CNOT8: variants seen among roughly 807,000 people sequenced by gnomAD.
CNOT8 encodes the protein CAF1-like protein.
In CNOT8, 18 loss-of-function variants were observed where a neutral mutation model predicts 34.6. That is an observed-to-expected ratio of 0.52 (90% confidence interval 0.36 to 0.77). The LOEUF is 0.77. CNOT8 is among the 30% of genes least tolerant of loss of function. The pLI, the probability that CNOT8 is intolerant of heterozygous loss-of-function variation, is 0.00. For missense variants in CNOT8, 189 were observed against 347.9 expected, an observed-to-expected ratio of 0.54 and a Z score of 3.63; for synonymous variants, 101 against 118.8, an observed-to-expected ratio of 0.85 and a Z score of 0.98.
intron 1 of CNOT8, among the ~76,000 whole-genome samples, chr5:154,862,115 T>G (rs1035158960): frequency 7.9e-5 from 12 of 152,234 alleles, no homozygotes; most frequent in African/African-American, 2.9e-4. Context: ...TCCCTGATTT[T>G]TCTCCTGGAA....
intron 3 of CNOT8, among the ~76,000 whole-genome samples, chr5:154,865,759 C>T (rs1266283088): frequency 6.6e-6 from 1 of 152,202 alleles, no homozygotes. Context: ...AACCCTCATA[C>T]ATTGCTGCTG....
intron 3 of CNOT8, chr5:154,867,741 A>G: frequency 3.6e-6 from 1 of 278,064 alleles, no homozygotes; most frequent in South Asian, 2.8e-5. Context: ...TTGAGCTAAA[A>G]GACATAGGAG....
At chr5:154,870,477 C>A in intron 3 of CNOT8, 184 bp from the exon 4 acceptor site, 1 of 424,394 alleles carries the variant, frequency 2.4e-6, no homozygotes. Context: ...ATTTTTCTAT[C>A]TGTCACAGAA....
At position 154,872,694 on chromosome 5, in the gene CNOT8, T is replaced by C. The variant is rs920668597; in HGVS notation, c.729+43T>C. Reference sequence around the variant, plus strand: ...TGATCACAGGCCTCTCGGCAGTAACTTGCTGAAGGCTAAGGAGGTAGTGGA... The same window carrying C: ...TGATCACAGGCCTCTCGGCAGTAACCTGCTGAAGGCTAAGGAGGTAGTGGA... On this transcript the variant is annotated intron_variant, in intron 6 of 6. Transcript: ENST00000285896. 4.8e-6 allele frequency: 6 copies of C among 1,258,464 alleles called. No homozygotes were observed. The Admixed American group carries it at 9.2e-5, about 19-fold the overall frequency. 78.0% of individuals were successfully genotyped at this position (1,258,464 alleles called of 1,614,324 possible). A position where few individuals can be genotyped will look rare whatever the true frequency, so the allele number is the denominator to read the frequency against.
Position 154,872,602 on chromosome 5 carries a change from C to T in CNOT8, c.680C>T (p.Ala227Val). 6.2e-7 allele frequency: 1 copy of T among 1,613,740 alleles called. No individual in the cohort carries two copies. The highest frequency in any genetic ancestry group is 2.2e-5 in the East Asian group (1 of 44,856). The change falls in exon 6 of 7, where the codon GCA (alanine) becomes GTA (valine). Residue 227 changes from alanine to valine, a missense_variant. Transcript: ENST00000285896. ...DLQRIGRQHQ[A>V]GSDSLLTGMA... ...CAGAGGATTGGAAGGCAGCACCAGG[C>T]AGGCTCAGACTCACTGCTGACAGGA...
intron 2 of CNOT8, among the ~76,000 whole-genome samples, chr5:154,864,183 G>A (rs756228941): frequency 6.6e-5 from 10 of 152,262 alleles, no homozygotes; most frequent in Admixed American, 3.9e-4. Context: ...AGAGTTGGCC[G>A]GGCGCGGTGG....
At position 154,863,236 on chromosome 5, in the gene CNOT8, G is replaced by A. The variant is rs756549447; in HGVS notation, c.-43G>A. On this transcript the variant is annotated 5_prime_UTR_variant, in exon 2 of 7. Coordinates refer to ENST00000285896, the MANE Select transcript of CNOT8 (RefSeq NM_001301073.2). ...GACCAAACATTGTCTGGCTTGCACTGTAAAACTAGTTAGCTGAAGACGACT... is the reference window on the plus strand; with the variant it reads ...GACCAAACATTGTCTGGCTTGCACTATAAAACTAGTTAGCTGAAGACGACT... The A allele has an allele frequency of 2.1e-6, 3 of 1,418,034 alleles. No individual in the cohort carries two copies. The highest frequency in any genetic ancestry group is 3.0e-6 in the Non-Finnish European group (3 of 1,001,106). The allele number at this position is 1,418,034 out of a possible 1,614,324, so 87.8% of individuals were successfully genotyped here. A position where few individuals can be genotyped will look rare whatever the true frequency, so the allele number is the denominator to read the frequency against.
chr5:154,865,608 A>T (rs543421567), intron 3 of CNOT8, among the ~76,000 whole-genome samples: 16 of 152,334 alleles, frequency 1.1e-4, no homozygotes, highest in African/African-American at 3.4e-4. Flanking sequence ...ATGGCCAGTA[A>T]GCACATGAAA....
chr5:154,861,735 G>A (rs934739613), intron 1 of CNOT8, among the ~76,000 whole-genome samples: 3 of 152,206 alleles, frequency 2.0e-5, no homozygotes, highest in African/African-American at 7.2e-5. Context: ...GTCTCGCTCT[G>A]TCGCCCAGGC....
intron 3 of CNOT8, 33 bp from the exon 4 acceptor site, chr5:154,870,628 C>T (rs748184742): frequency 1.1e-5 from 17 of 1,562,618 alleles, no homozygotes; most frequent in African/African-American, 1.4e-5. Context: ...TTTCATTATT[C>T]ACCAGTTAAT....
At position 154,865,284 on chromosome 5, in the gene CNOT8, C is replaced by T; in HGVS notation, c.210C>T (p.Asp70=). ...YQYQLLRCNV[D]LLKIIQLGLT... Reference sequence around the variant, plus strand: ...ATCAGCTTCTGCGGTGCAATGTTGACCTTTTAAAAATTATCCAGCTGGGCC... The same window carrying T: ...ATCAGCTTCTGCGGTGCAATGTTGATCTTTTAAAAATTATCCAGCTGGGCC... Residue 70 remains aspartate, a synonymous_variant, in exon 3 of 7, where the codon GAC becomes GAT. Transcript: ENST00000285896. The T allele has an allele frequency of 6.2e-7, 1 of 1,613,340 alleles. No individual in the cohort carries two copies. The highest frequency in any genetic ancestry group is 1.1e-5 in the South Asian group (1 of 90,908).
At chr5:154,860,980 T>TA (rs1272084896) in intron 1 of CNOT8, among the ~76,000 whole-genome samples, 2 of 152,206 alleles carry the variant, frequency 1.3e-5, no homozygotes, top group East Asian at 1.9e-4. Flanking sequence ...TCAGGAGTGA[T>TA]ACACCCACTT....
chr5:154,870,937 A>G (rs1762430188), intron 4 of CNOT8, 115 bp downstream of exon 4: 3 of 886,250 alleles, frequency 3.4e-6, no homozygotes, highest in Admixed American at 5.2e-5. Flanking sequence ...AGCAGCAGCC[A>G]GAAGTTGAAT....
In CNOT8 at chr5:154,860,252, T is replaced by C. The variant is rs537369036; in HGVS notation, c.-73+1484T>C. On this transcript the variant is annotated intron_variant, in intron 1 of 6. Transcript: ENST00000285896. ...CCTATCTTAGGCTCATTTTGGAGCA[T>C]GTGCTTACAAAGTGGAAAGTGGCAG... Among the ~76,000 whole-genome samples the C allele has an allele frequency of 1.0e-3, 152 of 152,274 alleles. 2 individuals carry two copies. The highest frequency in any genetic ancestry group is 6.8e-3 in the Middle Eastern group (2 of 294).
In CNOT8 at chr5:154,872,552, G is replaced by A; in HGVS notation, c.630G>A (p.Gln210=). 6.2e-7 allele frequency: 1 copy of A among 1,611,030 alleles called. No individual in the cohort carries two copies. Among genetic ancestry groups the A allele is most frequent in the Non-Finnish European group, 8.5e-7 (1 of 1,178,266 alleles). ...CCATACATCTCCAGGGAGGTCTTCA[G>A]GAAGTTGCTGATCAGTTGGATTTGC... is the stretch of plus-strand genomic sequence containing the variant. ...KSCKNLKGGL[Q]EVADQLDLQR... Residue 210 remains glutamine (Q), a synonymous_variant, in exon 6 of 7, where the codon CAG becomes CAA. Coordinates refer to ENST00000285896, the MANE Select transcript of CNOT8 (RefSeq NM_001301073.2).
rs926780941 is a variant in CNOT8 at position 154,876,470 on chromosome 5, G to A, written c.*1031G>A. ...GTAAGATAATTTGGGTTCTTGAGTT[G>A]TTTTGGAGTAATATCCCACAACTGG... On this transcript the variant is annotated 3_prime_UTR_variant, in exon 7 of 7. Transcript: ENST00000285896. 2 of 152,230 alleles carry A rather than the reference G, an allele frequency of 1.3e-5. No individual in the cohort carries two copies. The highest frequency in any genetic ancestry group is 2.4e-5 in the African/African-American group (1 of 41,440). The allele number at this position is 152,230 out of a possible 1,614,324, so 9.4% of individuals were successfully genotyped here.
chr5:154,860,568 A>G (rs1365085336), intron 1 of CNOT8, among the ~76,000 whole-genome samples: 1 of 152,194 alleles, frequency 6.6e-6, no homozygotes, highest in Non-Finnish European at 1.5e-5. Context: ...CAGCCTCTCA[A>G]AAGTGCTGGG....
In CNOT8 at chr5:154,875,589, C is replaced by A; in HGVS notation, c.*150C>A. 1.2e-6 allele frequency: 1 copy of A among 820,334 alleles called. No individual in the cohort carries two copies. Among genetic ancestry groups the A allele is most frequent in the Non-Finnish European group, 1.8e-6 (1 of 551,288 alleles). 50.8% of individuals were successfully genotyped at this position (820,334 alleles called of 1,614,324 possible). ...AGAAAGACTTTTGTTTTACTGAAGA[C>A]AAAAGATGTTTTTATTTTAGACCCA... On this transcript the variant is annotated 3_prime_UTR_variant, in exon 7 of 7. Transcript: ENST00000285896.
intron 1 of CNOT8, among the ~76,000 whole-genome samples, chr5:154,862,252 C>G (rs573157480): frequency 6.7e-6 from 1 of 148,234 alleles, no homozygotes; most frequent in Non-Finnish European, 1.5e-5. Flanking sequence ...GCCGGTGGAT[C>G]ACAAGGTCAG....
Sources: allele counts gnomAD v4.1 joint callset (sites outside exome capture counted in the v4.1 genomes callset), GRCh38; gene constraint gnomAD v4.1.1; transcripts MANE v1.5; gene names NCBI Gene and HGNC (gene_info 2026-07-23, HGNC 2026-07-21).